MLLT10: variants seen among roughly 807,000 people sequenced by gnomAD.
The protein encoded by MLLT10 is MLLT10 histone lysine methyltransferase DOT1L cofactor.
In MLLT10, 30 loss-of-function variants were observed where a neutral mutation model predicts 129.1. The observed-to-expected ratio is 0.23, with a 90% CI of 0.17 to 0.32. MLLT10 has a LOEUF of 0.32. Ranked by LOEUF, MLLT10 falls within the 10% of genes least tolerant of loss-of-function variation. The pLI is 1.00. For synonymous variants in MLLT10, 490 were observed against 446.4 expected, an observed-to-expected ratio of 1.10 and a Z score of -1.23; for missense variants, 1,119 against 1,268.3, an observed-to-expected ratio of 0.88 and a Z score of 1.79.
chr10:21,727,104 A>G (rs1286312444), intron 15 of MLLT10, among the ~76,000 whole-genome samples: 1 of 152,162 alleles, frequency 6.6e-6, no homozygotes, highest in South Asian at 2.1e-4. Context: ...TTCACCAAGA[A>G]TGGATCAGTC....
rs2056656426 is a variant in MLLT10 at position 21,717,341 on chromosome 10, G to A, written c.1878+3391G>A. 4.6e-5 allele frequency among the ~76,000 whole-genome samples: 6 copies of A among 129,328 alleles called. No homozygotes were observed. The South Asian group carries it at 1.5e-3, about 32-fold the overall frequency. 84.8% of individuals were successfully genotyped at this position (129,328 alleles called of 152,430 possible). ...AGGGCTAGTAGAAGTTAAAAACTTAGAATAACTTGAAACTTGATTTGTGCT... is the reference window on the plus strand; with the variant it reads ...AGGGCTAGTAGAAGTTAAAAACTTAAAATAACTTGAAACTTGATTTGTGCT... On this transcript the variant is annotated intron_variant, in intron 14 of 22. Transcript: ENST00000307729.
chr10:21,545,278 A>G (rs866959659), intron 3 of MLLT10, among the ~76,000 whole-genome samples: 1 of 151,762 alleles, frequency 6.6e-6, no homozygotes, highest in African/African-American at 2.4e-5. Context: ...AAATGTTCAC[A>G]TTTGGGAGAG....
In MLLT10 at chr10:21,733,850, A is replaced by G; in HGVS notation, c.2579A>G (p.Gln860Arg). ...CCTGCTGGGCAGAGTCCGGCTCAAC[A>G]AGGCTCAGGAGTGAGTGGAGTTCAG... Reference protein sequence around the residue: ...PPPAGQSPAQQGSGVSGVQQV... With the variant: ...PPPAGQSPAQRGSGVSGVQQV... Residue 860 changes from glutamine to arginine, a missense_variant, in exon 20 of 23, where the codon CAA (glutamine) becomes CGA (arginine). Coordinates refer to ENST00000307729, the MANE Select transcript of MLLT10 (RefSeq NM_001195626.3). The G allele has an allele frequency of 6.2e-7, 1 of 1,614,078 alleles. No homozygotes were observed. Among genetic ancestry groups the G allele is most frequent in the Non-Finnish European group, 8.5e-7 (1 of 1,180,012 alleles).
rs1589541755 is a variant in MLLT10 at position 21,668,844 on chromosome 10, T to C, written c.796-1605T>C. 3 of 1,086,496 alleles carry C rather than the reference T, an allele frequency of 2.8e-6. No homozygotes were observed. In the Admixed American group the frequency reaches 1.4e-4, roughly 51 times the overall value. 67.3% of individuals were successfully genotyped at this position (1,086,496 alleles called of 1,614,324 possible). ...ACCCAATTTTCTCTCCATTCTTTAT[T>C]TGATACATGAGCAAAAATACATGAG... On this transcript the variant is annotated intron_variant, in intron 9 of 22. Transcript: ENST00000307729.
chr10:21,704,020 T>TTTG (rs1554856121), intron 13 of MLLT10, among the ~76,000 whole-genome samples: 36 of 127,700 alleles, frequency 2.8e-4, no homozygotes, highest in South Asian at 2.2e-3. Flanking sequence ...TTTTTTGTTT[T>TTTG]TTTTTTTTTT....
chr10:21,640,339 AAT>A lies in MLLT10; in HGVS notation c.700-11326_700-11325del, dbSNP rs956553982. Among the ~76,000 whole-genome samples, 46 of 146,226 alleles carry A rather than the reference AAT, an allele frequency of 3.1e-4. No homozygotes were observed. The Middle Eastern group carries it at 0.014, about 46-fold the overall frequency. ...ATATATTGGTGTATATATTACATAA[AAT>A]ATATATACACACACATATATGTGTG... is the stretch of plus-strand genomic sequence containing the variant. On this transcript the variant is annotated intron_variant, in intron 8 of 22. Coordinates refer to ENST00000307729, the MANE Select transcript of MLLT10 (RefSeq NM_001195626.3).
intron 14 of MLLT10, among the ~76,000 whole-genome samples, chr10:21,724,881 A>C (rs1413527968): frequency 1.3e-5 from 2 of 152,204 alleles, no homozygotes; most frequent in African/African-American, 4.8e-5. Flanking sequence ...TGAGGCCTTC[A>C]GAATTGTGGT....
At chr10:21,697,214 C>T (rs899780843) in intron 13 of MLLT10, among the ~76,000 whole-genome samples, 1 of 151,508 alleles carries the variant, frequency 6.6e-6, no homozygotes, top group African/African-American at 2.4e-5. Context: ...TGCCTGTAAT[C>T]CCAGGACTTT....
At chr10:21,546,997 A>G (rs2036190506) in intron 3 of MLLT10, among the ~76,000 whole-genome samples, 1 of 152,046 alleles carries the variant, frequency 6.6e-6, no homozygotes, top group African/African-American at 2.4e-5. Context: ...TCCTGGGATT[A>G]CAGGCGTGAA....
At chr10:21,727,693 C>G (rs571747232) in intron 15 of MLLT10, among the ~76,000 whole-genome samples, 163 bp from the exon 16 acceptor site, 1 of 152,086 alleles carries the variant, frequency 6.6e-6, no homozygotes, top group Non-Finnish European at 1.5e-5. Flanking sequence ...TGCCACAGTT[C>G]AGCAATTCTG....
At chr10:21,739,934 A>C in intron 21 of MLLT10, 96 bp from the exon 22 acceptor site, 1 of 929,186 alleles carries the variant, frequency 1.1e-6, no homozygotes, top group Non-Finnish European at 1.6e-6. Flanking sequence ...CTTTGCAAAT[A>C]TCTAATATTA....
chr10:21,651,840 G>C (rs2049062258), intron 9 of MLLT10, 72 bp downstream of exon 9: 2 of 706,112 alleles, frequency 2.8e-6, no homozygotes, highest in Admixed American at 6.1e-5. Context: ...TCTAAAAACT[G>C]TTTTCATTCC....
chr10:21,711,938 C>T (rs1054534761), intron 13 of MLLT10, among the ~76,000 whole-genome samples: 42 of 152,308 alleles, frequency 2.8e-4, no homozygotes, highest in Non-Finnish European at 7.3e-5. Context: ...TTCTACGCAA[C>T]TTCTTGAAGG....
intron 8 of MLLT10, among the ~76,000 whole-genome samples, chr10:21,618,521 T>A (rs555622184): frequency 1.3e-3 from 199 of 151,614 alleles, no homozygotes; most frequent in Middle Eastern, 0.01. Context: ...AAAAAAAAAA[T>A]TTTTGGTTTG....
At chr10:21,645,229 T>C (rs983245264) in intron 8 of MLLT10, among the ~76,000 whole-genome samples, 1 of 152,192 alleles carries the variant, frequency 6.6e-6, no homozygotes, top group African/African-American at 2.4e-5. Context: ...CCTTGACAGT[T>C]TTTGTTTAAT....
chr10:21,694,089 G>A (rs1375239804), intron 13 of MLLT10, among the ~76,000 whole-genome samples: 2 of 152,310 alleles, frequency 1.3e-5, no homozygotes, highest in South Asian at 2.1e-4. Flanking sequence ...TGCAAGTATA[G>A]TAGAGAGAAC....
At chr10:21,678,616 T>C (rs959889796) in intron 11 of MLLT10, among the ~76,000 whole-genome samples, 5 of 152,114 alleles carry the variant, frequency 3.3e-5, no homozygotes, top group African/African-American at 9.7e-5. Context: ...GTGATGTTTA[T>C]AGGGTAGGAT....
chr10:21,668,914 T>C (rs1009606239), intron 9 of MLLT10: 4 of 1,227,532 alleles, frequency 3.3e-6, no homozygotes, highest in African/African-American at 1.6e-5. Flanking sequence ...TAAACTTCAC[T>C]AGGTCATGCA....
intron 3 of MLLT10, among the ~76,000 whole-genome samples, chr10:21,547,149 T>C (rs1158504931): frequency 6.6e-6 from 1 of 151,898 alleles, no homozygotes; most frequent in Non-Finnish European, 1.5e-5. Context: ...GGATTACAGG[T>C]GTGAGCCACC....
Sources: gnomAD v4.1 joint callset for allele counts (sites outside exome capture counted in the v4.1 genomes callset) on GRCh38, gnomAD v4.1.1 for gene constraint, MANE v1.5 for transcripts, NCBI Gene and HGNC (gene_info 2026-07-23, HGNC 2026-07-21) for gene names.